The following RAB37 variants were observed in gnomAD, a reference collection of about 807,000 sequenced individuals.
RAB37 encodes the protein RAB37, member RAS oncogene family, also known as ras-related protein Rab-37.
In RAB37, 29 loss-of-function variants were observed where a neutral mutation model predicts 33.1. The observed-to-expected ratio is 0.88, with a 90% CI of 0.65 to 1.20. RAB37 has a LOEUF of 1.20. Ranked by LOEUF, RAB37 falls within the 50% of genes most tolerant of loss-of-function variation. RAB37 has a pLI of 0.00. For missense variants in RAB37, 299 were observed against 301.1 expected (o/e 0.99, Z 0.05); for synonymous variants, 128 against 119.5 (o/e 1.07, Z -0.47).
At chr17:74,743,102 C>G in intron 3 of RAB37, 27 bp from the exon 4 acceptor site, 1 of 1,605,308 alleles carries the variant, frequency 6.2e-7, no homozygotes, top group South Asian at 1.1e-5. Context: ...CTCCTTCTGA[C>G]CATTTCTCCA....
upstream of RAB37, among the ~76,000 whole-genome samples, chr17:74,735,696 A>G (rs1212134745): frequency 6.6e-6 from 1 of 152,190 alleles, no homozygotes; most frequent in East Asian, 1.9e-4. Context: ...AGCTGAGGTT[A>G]TAGCACGCTC....
Position 74,671,271 on chromosome 17 carries a change from G to A in RAB37, c.-316G>A. On this transcript the variant is annotated 5_prime_UTR_variant, in exon 1 of 8. Coordinates refer to the RAB37 transcript ENST00000340415. The surrounding 1 kb of genome is among the most constrained non-coding windows in gnomAD (Gnocchi z 5.0). The stretch of plus-strand genomic sequence containing the variant: ...ATCACCAGCCGGACCCAAATCTTGC[G>A]TCCCTGCCAGCATCCTGGAGTCCTA... 9.2e-6 allele frequency: 3 copies of A among 324,628 alleles called. No homozygotes were observed. The highest frequency in any genetic ancestry group is 1.7e-5 in the Non-Finnish European group (3 of 174,166). 20.1% of individuals were successfully genotyped at this position (324,628 alleles called of 1,614,324 possible). A position where few individuals can be genotyped will look rare whatever the true frequency, so the allele number is the denominator to read the frequency against.
intron 1 of RAB37, among the ~76,000 whole-genome samples, chr17:74,712,321 C>G (rs2034023383): frequency 6.6e-6 from 1 of 152,174 alleles, no homozygotes; most frequent in East Asian, 1.9e-4. Flanking sequence ...CTCCTCTTGA[C>G]CTTTCCGTCC....
intron 1 of RAB37, among the ~76,000 whole-genome samples, chr17:74,720,793 G>C (rs529464665): frequency 6.6e-6 from 1 of 152,064 alleles, no homozygotes; most frequent in African/African-American, 2.4e-5. Flanking sequence ...TGGTACCCGG[G>C]TTCTTGTCAG....
chr17:74,726,233 TAA>T (rs11422240), intron 1 of RAB37, among the ~76,000 whole-genome samples: 24 of 105,594 alleles, frequency 2.3e-4, no homozygotes, highest in Admixed American at 3.1e-4. Context: ...AGACTCTGCC[TAA>T]AAAAAAAAAA....
intron 1 of RAB37, among the ~76,000 whole-genome samples, chr17:74,682,089 A>C (rs1296779680): frequency 6.6e-6 from 1 of 152,176 alleles, no homozygotes; most frequent in African/African-American, 2.4e-5. Flanking sequence ...CTTGCATATA[A>C]ATCATTTCGG....
chr17:74,688,237 T>G (rs2032092400), intron 1 of RAB37, among the ~76,000 whole-genome samples: 1 of 152,152 alleles, frequency 6.6e-6, no homozygotes, highest in African/African-American at 2.4e-5. Flanking sequence ...AATGATGTAC[T>G]TGAATCAATT....
rs2031712718 is a variant in RAB37, at chr17:74,671,794, T to A, written c.72+136T>A. ...CTGTGAGTCTGGGGAGCCCTTTCTGTCTGATCCTGTTTCCTGCTCAAAACA... is the reference window on the plus strand; with the variant it reads ...CTGTGAGTCTGGGGAGCCCTTTCTGACTGATCCTGTTTCCTGCTCAAAACA... On this transcript the variant is annotated intron_variant, in intron 1 of 7. Transcript: ENST00000340415. The surrounding 1 kb of genome is among the most constrained non-coding windows in gnomAD (Gnocchi z 5.0). The A allele has an allele frequency of 1.3e-6, 1 of 747,870 alleles. No individual in the cohort carries two copies. The highest frequency in any genetic ancestry group is 1.7e-5 in the African/African-American group (1 of 57,480). The allele number at this position is 747,870 out of a possible 1,614,324, so 46.3% of individuals were successfully genotyped here. A position where few individuals can be genotyped will look rare whatever the true frequency, so the allele number is the denominator to read the frequency against.
intron 1 of RAB37, among the ~76,000 whole-genome samples, chr17:74,695,426 A>C (rs1350012135): frequency 6.6e-6 from 1 of 152,068 alleles, no homozygotes; most frequent in Non-Finnish European, 1.5e-5. Flanking sequence ...ACCACAACAG[A>C]ACAGATTCTC....
At chr17:74,689,865 C>G (rs1176200085) in intron 1 of RAB37, among the ~76,000 whole-genome samples, 1 of 151,908 alleles carries the variant, frequency 6.6e-6, no homozygotes, top group Non-Finnish European at 1.5e-5. Flanking sequence ...TTTTCTCCCT[C>G]AACTACTCTC....
intron 1 of RAB37, among the ~76,000 whole-genome samples, chr17:74,707,371 G>A (rs912996195): frequency 2.0e-5 from 3 of 152,202 alleles, no homozygotes; most frequent in Non-Finnish European, 4.4e-5. Context: ...ATGGGCAACA[G>A]ATCTATTTTT....
At chr17:74,719,786 G>A (rs2034215521) in intron 1 of RAB37, among the ~76,000 whole-genome samples, 1 of 152,068 alleles carries the variant, frequency 6.6e-6, no homozygotes, top group Non-Finnish European at 1.5e-5. Context: ...CCAAGCACTG[G>A]AATTACAAGT....
chr17:74,708,505 A>T (rs930883324), intron 1 of RAB37, among the ~76,000 whole-genome samples: 1 of 152,260 alleles, frequency 6.6e-6, no homozygotes, highest in African/African-American at 2.4e-5. Context: ...ATTAACATAA[A>T]TGCAAAAACC....
intron 1 of RAB37, among the ~76,000 whole-genome samples, chr17:74,674,101 G>T (rs1375573792): frequency 1.3e-5 from 2 of 152,008 alleles, no homozygotes; most frequent in African/African-American, 4.8e-5. Flanking sequence ...TTTTGAAGTG[G>T]GGTCTCAGTC....
chr17:74,737,019 A>C (rs750311974), upstream of RAB37: 3 of 1,605,738 alleles, frequency 1.9e-6, no homozygotes, highest in African/African-American at 2.7e-5. Context: ...GATGTGGCTC[A>C]TGTCCGAAGC....
intron 1 of RAB37, among the ~76,000 whole-genome samples, chr17:74,728,196 ATG>A (rs1003595268): frequency 6.7e-6 from 1 of 149,366 alleles, no homozygotes; most frequent in African/African-American, 2.5e-5. Flanking sequence ...GTCTGTGCGA[ATG>A]TGTGTTTCTG....
At chr17:74,682,235 T>C (rs1029651179) in intron 1 of RAB37, among the ~76,000 whole-genome samples, 17 of 152,306 alleles carry the variant, frequency 1.1e-4, no homozygotes, top group African/African-American at 3.8e-4. Flanking sequence ...AGAGAACTCA[T>C]TGGTTCCTGT....
At chr17:74,733,476 G>T (rs2034419687), upstream of RAB37, among the ~76,000 whole-genome samples, 1 of 148,972 alleles carries the variant, frequency 6.7e-6, no homozygotes, top group African/African-American at 2.5e-5. Flanking sequence ...GGATGTGTGT[G>T]GTGTGAGGTG....
intron 1 of RAB37, among the ~76,000 whole-genome samples, chr17:74,692,073 A>G (rs952862407): frequency 2.6e-5 from 4 of 151,822 alleles, no homozygotes; most frequent in East Asian, 1.9e-4. Flanking sequence ...TCACCATGTT[A>G]GCCAGGATGG....
Sources: allele counts gnomAD v4.1 joint callset (sites outside exome capture counted in the v4.1 genomes callset), GRCh38; gene constraint gnomAD v4.1.1; non-coding constraint Gnocchi (gnomAD v3.1); transcripts MANE v1.5; gene names NCBI Gene and HGNC (gene_info 2026-07-23, HGNC 2026-07-21).